WDR59: variants seen among roughly 807,000 people sequenced by gnomAD.
WDR59 encodes the protein GATOR2 complex protein WDR59.
WDR59 carries 100 observed loss-of-function variants against 131.2 expected under a neutral mutation model. The observed-to-expected ratio is 0.76, with a 90% CI of 0.65 to 0.90. The LOEUF (loss-of-function observed/expected upper bound fraction) is 0.90, where lower values mean the gene tolerates loss of function less well. WDR59 is among the 40% of genes least tolerant of loss of function. WDR59 has a pLI of 0.00. For synonymous variants in WDR59, 601 were observed against 466.2 expected (o/e 1.29, Z -3.72); for missense variants, 1,203 against 1,262.2 (o/e 0.95, Z 0.71).
chr16:74,906,313 C>CAAACAAAAAAAAA (rs1965814999), intron 17 of WDR59, among the ~76,000 whole-genome samples: 1 of 32,460 alleles, frequency 3.1e-5, no homozygotes, highest in East Asian at 2.2e-3. Flanking sequence ...GACTCCGTCT[C>CAAACAAAAAAAAA]AAAAAAAAAA....
intron 2 of WDR59, among the ~76,000 whole-genome samples, chr16:74,961,520 T>A (rs59909452): frequency 0.33 from 50,430 of 152,020 alleles, 9,025 homozygotes; most frequent in East Asian, 0.72. Context: ...CTCATTGTGG[T>A]TTTGATTTGC....
At chr16:74,895,387 C>T (rs1567696618) in intron 18 of WDR59, among the ~76,000 whole-genome samples, 1 of 152,038 alleles carries the variant, frequency 6.6e-6, no homozygotes, top group African/African-American at 2.4e-5. Context: ...CTCAGCCTCC[C>T]GAGTAGCTGG....
rs1309770235 is a variant in WDR59 at position 74,893,761 on chromosome 16, G to C, written c.1918C>G (p.Gln640Glu). 5.0e-6 allele frequency: 8 copies of C among 1,614,060 alleles called. No homozygotes were observed. The Middle Eastern group carries it at 6.6e-4, about 133-fold the overall frequency. The change falls in exon 19 of 26, where the codon CAG becomes GAG. Residue 640 changes from glutamine (Q) to glutamate (E), a missense_variant. Physicochemically the swap from Gln to Glu is conservative, Grantham distance 29. Transcript: ENST00000262144. ...KREGSDSGNR[Q>E]IKAAGKVIIQ... The stretch of plus-strand genomic sequence containing the variant: ...ATGACTTTCCCAGCAGCCTTGATCT[G>C]TCGATTGCCAGAGTCTGATCCCTCA...
At chr16:74,926,128 C>T (rs1251275156) in intron 8 of WDR59, among the ~76,000 whole-genome samples, 2 of 140,936 alleles carry the variant, frequency 1.4e-5, no homozygotes, top group Non-Finnish European at 3.0e-5. Context: ...GGTGTGATCT[C>T]GGCTCACTGC....
intron 23 of WDR59, 90 bp downstream of exon 23, chr16:74,887,593 T>A: frequency 8.3e-7 from 1 of 1,209,214 alleles, no homozygotes; most frequent in Non-Finnish European, 1.2e-6. Context: ...TAAGAAAAAA[T>A]ATGGAGACTA....
At position 74,906,530 on chromosome 16, in the gene WDR59, C is replaced by T. The variant is rs1965830048; in HGVS notation, c.1712+2378G>A. On this transcript the variant is annotated intron_variant, in intron 17 of 25. Transcript: ENST00000262144. ...TATCTGATGACTGAGGAATTCTGCT[C>T]CTCAGGTGCAGAAATTAATATACAA... Among the ~76,000 whole-genome samples, 4 of 152,058 alleles carry T rather than the reference C, an allele frequency of 2.6e-5. No homozygotes were observed. In the South Asian group the frequency reaches 6.3e-4, roughly 24 times the overall value.
intron 25 of WDR59, among the ~76,000 whole-genome samples, chr16:74,878,527 C>T (rs1964325890): frequency 6.6e-6 from 1 of 152,010 alleles, no homozygotes; most frequent in Non-Finnish European, 1.5e-5. Context: ...ACGGCGCACA[C>T]CTGTAATACC....
At position 74,974,890 on chromosome 16, in the gene WDR59, C is replaced by A. The variant is rs578178436; in HGVS notation, c.55-9068G>T. 7.2e-5 allele frequency among the ~76,000 whole-genome samples: 11 copies of A among 152,310 alleles called. No individual in the cohort carries two copies. In the East Asian group the frequency reaches 1.7e-3, roughly 24 times the overall value. On this transcript the variant is annotated intron_variant, in intron 1 of 25. Coordinates refer to ENST00000262144, the MANE Select transcript of WDR59 (RefSeq NM_030581.4). ...TGAGGGGACTCTGGGAAGCTTCGGC[C>A]TGGTTTCCTTCTGACCTCATGCCAT...
chr16:74,956,117 G>A (rs1053502026), intron 3 of WDR59, among the ~76,000 whole-genome samples: 8 of 152,138 alleles, frequency 5.3e-5, no homozygotes, highest in East Asian at 1.9e-4. Context: ...ACACCAGCTC[G>A]CCAGTTACCC....
At chr16:74,900,526 G>A (rs1406264844) in intron 18 of WDR59, among the ~76,000 whole-genome samples, 3 of 152,166 alleles carry the variant, frequency 2.0e-5, no homozygotes, top group Non-Finnish European at 4.4e-5. Context: ...ATGTATGCAA[G>A]GCAATACCTA....
At chr16:74,945,202 C>T (rs975996624) in intron 6 of WDR59, among the ~76,000 whole-genome samples, 1 of 152,010 alleles carries the variant, frequency 6.6e-6, no homozygotes, top group East Asian at 1.9e-4. Context: ...TGTGGCCGGG[C>T]GAAGAGGCTC....
At chr16:74,903,692 G>T (rs2144887552) in intron 18 of WDR59, among the ~76,000 whole-genome samples, 1 of 130,370 alleles carries the variant, frequency 7.7e-6, no homozygotes, top group South Asian at 2.3e-4. Flanking sequence ...ATTACGAGTG[G>T]AGATTACAAG....
Position 74,886,385 on chromosome 16 carries a change from C to T in WDR59, c.2431G>A (p.Ala811Thr). ...CCCCAAGGGGAGGACAAGTGCTCTGCCTCTCTTCCCGCTGAAGAAAATCAA... is the reference window on the plus strand; with the variant it reads ...CCCCAAGGGGAGGACAAGTGCTCTGTCTCTCTTCCCGCTGAAGAAAATCAA... The part of the protein sequence containing the change: ...TGGWNIAGRE[A>T]EHLSSPWGES... The change falls in exon 24 of 26, where the codon GCA becomes ACA. Residue 811 changes from alanine (A) to threonine (T), a missense_variant. Physicochemically the swap from Ala to Thr is moderately conservative, Grantham distance 58. Coordinates refer to ENST00000262144, the MANE Select transcript of WDR59 (RefSeq NM_030581.4). 6.2e-7 allele frequency: 1 copy of T among 1,612,696 alleles called. No homozygotes were observed. The highest frequency in any genetic ancestry group is 8.5e-7 in the Non-Finnish European group (1 of 1,179,690).
Position 74,948,513 on chromosome 16 carries a change from A to G in WDR59, c.445+6T>C. The G allele has an allele frequency of 6.2e-7, 1 of 1,613,240 alleles. No individual in the cohort carries two copies. On this transcript the variant is annotated splice_donor_region_variant and intron_variant, in intron 6 of 25. Coordinates refer to ENST00000262144, the MANE Select transcript of WDR59 (RefSeq NM_030581.4). ...CCAGGGTGAGGTGGGAGAAGCATAC[A>G]CTCACCAACAGCAGACAGTGCAACA...
chr16:74,949,587 C>G (rs145795278), intron 5 of WDR59, 131 bp downstream of exon 5: 1 of 703,400 alleles, frequency 1.4e-6, no homozygotes, highest in African/African-American at 1.8e-5. Context: ...AATATATTTG[C>G]GCTCAAATCT....
At chr16:74,886,541 A>G in intron 23 of WDR59, 145 bp from the exon 24 acceptor site, 1 of 1,132,104 alleles carries the variant, frequency 8.8e-7, no homozygotes, top group Non-Finnish European at 1.2e-6. Flanking sequence ...ATATAACTAA[A>G]TAGAACTCTC....
intron 16 of WDR59, 45 bp from the exon 17 acceptor site, chr16:74,909,022 G>A (rs1965954851): frequency 6.4e-7 from 1 of 1,565,220 alleles, no homozygotes; most frequent in Non-Finnish European, 8.8e-7. Context: ...CAACAAGCTG[G>A]CCGTGGGAAA....
intron 18 of WDR59, among the ~76,000 whole-genome samples, chr16:74,900,686 C>T (rs1965509506): frequency 6.6e-6 from 1 of 152,196 alleles, no homozygotes; most frequent in Non-Finnish European, 1.5e-5. Context: ...AGGAGCAAAG[C>T]TTGGCATTCC....
At chr16:74,939,916 T>C (rs1320585872) in intron 7 of WDR59, among the ~76,000 whole-genome samples, 2 of 152,122 alleles carry the variant, frequency 1.3e-5, no homozygotes, top group African/African-American at 4.8e-5. Flanking sequence ...GTCCAGGAGT[T>C]TGAGGCTGCA....
Sources: gnomAD v4.1 joint callset for allele counts (sites outside exome capture counted in the v4.1 genomes callset) on GRCh38, gnomAD v4.1.1 for gene constraint, MANE v1.5 for transcripts, NCBI Gene and HGNC (gene_info 2026-07-23, HGNC 2026-07-21) for gene names.